PRKRIP1: variants seen among roughly 807,000 people sequenced by gnomAD.
PRKRIP1 encodes the protein PRKR-interacting protein 1.
A neutral mutation model predicts 29.3 loss-of-function variants in PRKRIP1; 29 were observed. The ratio of observed to expected loss-of-function variants is 0.99; its 90% CI spans 0.74 to 1.35. The LOEUF (loss-of-function observed/expected upper bound fraction) is 1.35. Among genes scored for constraint, PRKRIP1 ranks in the 40% most tolerant of loss-of-function variants. The pLI, the probability that PRKRIP1 is intolerant of heterozygous loss-of-function variation, is 0.00. For synonymous variants in PRKRIP1, 90 were observed against 85.1 expected (o/e 1.06, Z -0.32); for missense variants, 247 against 236.8 (o/e 1.04, Z -0.28).
rs1012041522 is a variant in PRKRIP1, at chr7:102,397,603, A to G, written c.127-17A>G. 1.2e-6 allele frequency: 2 copies of G among 1,605,232 alleles called. No homozygotes were observed. Among genetic ancestry groups the G allele is most frequent in the African/African-American group, 2.7e-5 (2 of 74,722 alleles). On this transcript the variant is annotated splice_polypyrimidine_tract_variant and intron_variant, in intron 1 of 5. Transcript: ENST00000397912. The stretch of plus-strand genomic sequence containing the variant: ...AACAGGTTTATACTTAAATGCTTTC[A>G]TGTTTAAATGTTGCAGGACAAAGCA...
chr7:102,399,058 G>A (rs111892826), intron 2 of PRKRIP1, among the ~76,000 whole-genome samples: 76 of 152,256 alleles, frequency 5.0e-4, no homozygotes, highest in African/African-American at 1.8e-3. Context: ...GGAGGTTGAG[G>A]CTCCAATGAG....
intron 5 of PRKRIP1, among the ~76,000 whole-genome samples, chr7:102,422,622 G>A (rs1554573883): frequency 6.6e-6 from 1 of 152,080 alleles, no homozygotes; most frequent in East Asian, 1.9e-4. Flanking sequence ...GATTACAGGC[G>A]TGAGCCACCA....
At chr7:102,422,094 G>A (rs1202737235) in intron 5 of PRKRIP1, among the ~76,000 whole-genome samples, 12 of 151,382 alleles carry the variant, frequency 7.9e-5, no homozygotes, top group East Asian at 7.7e-4. Flanking sequence ...AGAGATAGAC[G>A]CCTTTGCTTT....
rs1486802256 is a variant in PRKRIP1, at chr7:102,397,546, T to TA, written c.127-67dup. The TA allele has an allele frequency of 2.8e-5, 35 of 1,240,896 alleles. 2 individuals are homozygous for TA. In the Middle Eastern group the frequency reaches 1.9e-3, roughly 67 times the overall value. The allele number at this position is 1,240,896 out of a possible 1,614,324, so 76.9% of individuals were successfully genotyped here. A position where few individuals can be genotyped will look rare whatever the true frequency, so the allele number is the denominator to read the frequency against. Reference sequence around the variant, plus strand: ...GAGGAACAGAGCAAGAACCTGTCTCTAAAAAAAGAGAGGGAGATATATAAT... The same window carrying TA: ...GAGGAACAGAGCAAGAACCTGTCTCTAAAAAAAAGAGAGGGAGATATATAAT... On this transcript the variant is annotated intron_variant, in intron 1 of 5. Transcript: ENST00000397912.
At chr7:102,418,113 G>A (rs1335237135) in intron 5 of PRKRIP1, among the ~76,000 whole-genome samples, 4 of 149,704 alleles carry the variant, frequency 2.7e-5, no homozygotes, top group African/African-American at 7.4e-5. Flanking sequence ...GCAATGGTGC[G>A]ATCTCGGCTC....
intron 5 of PRKRIP1, 75 bp from the exon 6 acceptor site, chr7:102,424,939 A>C (rs1260161026): frequency 6.8e-7 from 1 of 1,470,666 alleles, no homozygotes; most frequent in Non-Finnish European, 9.2e-7. Context: ...ACTTCCCATC[A>C]GCTCTCCTCT....
At chr7:102,399,729 G>T in intron 3 of PRKRIP1, 81 bp downstream of exon 3, 2 of 1,147,046 alleles carry the variant, frequency 1.7e-6, no homozygotes, top group Non-Finnish European at 2.6e-6. Flanking sequence ...CATTTGAAGA[G>T]GCTGGGCGTG....
chr7:102,419,338 C>G (rs1796632422), intron 5 of PRKRIP1, among the ~76,000 whole-genome samples: 2 of 152,044 alleles, frequency 1.3e-5, no homozygotes. Context: ...CACTTGAACC[C>G]TGGAGGTGGA....
chr7:102,412,412 A>C (rs1356856889), intron 5 of PRKRIP1, among the ~76,000 whole-genome samples: 1 of 152,044 alleles, frequency 6.6e-6, no homozygotes, highest in African/African-American at 2.4e-5. Flanking sequence ...AAAATAAGCA[A>C]GGTGTGGTGG....
At chr7:102,410,182 G>A (rs1554572364) in intron 5 of PRKRIP1, among the ~76,000 whole-genome samples, 1 of 152,148 alleles carries the variant, frequency 6.6e-6, no homozygotes, top group Non-Finnish European at 1.5e-5. Flanking sequence ...AGCCTCCAGG[G>A]CAGCAGAGGC....
At chr7:102,422,897 TG>T in intron 5 of PRKRIP1, 1 of 286,654 alleles carries the variant, frequency 3.5e-6, no homozygotes, top group Admixed American at 4.7e-5. Flanking sequence ...ATTGTGTAGA[TG>T]CAGATATTCC....
rs1315246793 is a variant in PRKRIP1, at chr7:102,425,984, G to C, written c.*873G>C. 6.5e-6 allele frequency: 1 copy of C among 153,098 alleles called. No individual in the cohort carries two copies. The highest frequency in any genetic ancestry group is 2.4e-5 in the African/African-American group (1 of 41,486). The allele number at this position is 153,098 out of a possible 1,614,324, so 9.5% of individuals were successfully genotyped here. On this transcript the variant is annotated 3_prime_UTR_variant, in exon 6 of 6. Coordinates refer to ENST00000397912, the MANE Select transcript of PRKRIP1 (RefSeq NM_024653.4). ...TCCTCCTTGCATGACTGCAACTGTC[G>C]GGGCTTTCCGCCGGCTCACAGCAGT...
At position 102,396,555 on chromosome 7, in the gene PRKRIP1, C is replaced by A; in HGVS notation, c.126+18C>A. 1 of 1,601,174 alleles carries A rather than the reference C, an allele frequency of 6.2e-7. No individual in the cohort carries two copies. Among genetic ancestry groups the A allele is most frequent in the Non-Finnish European group, 8.5e-7 (1 of 1,175,488 alleles). On this transcript the variant is annotated intron_variant, in intron 1 of 5. Transcript: ENST00000397912. ...AGAACCCGGTGAGACGAGGCCCAGG[C>A]TCCACGGCCCGTCCGAGGCCCACCC...
intron 5 of PRKRIP1, among the ~76,000 whole-genome samples, chr7:102,422,611 C>A (rs975832095): frequency 2.7e-5 from 4 of 150,156 alleles, no homozygotes; most frequent in Non-Finnish European, 5.9e-5. Flanking sequence ...GAAAGTGCTA[C>A]GATTACAGGC....
chr7:102,399,639 G>T lies in PRKRIP1; in HGVS notation c.297G>T (p.Met99Ile), dbSNP rs1796011853. Reference protein sequence around the residue: ...EYQRQDYMDAMAEKQKLDAEF... With the variant: ...EYQRQDYMDAIAEKQKLDAEF... The stretch of plus-strand genomic sequence containing the variant: ...AGCGACAGGACTACATGGATGCCAT[G>T]GCTGAGAAGGTCAGTGAGCCAGAAG... Residue 99 changes from methionine (M) to isoleucine (I), a missense_variant, in exon 3 of 6, where the codon ATG becomes ATT. Met to Ile is a conservative substitution (Grantham distance 10). Coordinates refer to ENST00000397912, the MANE Select transcript of PRKRIP1 (RefSeq NM_024653.4). 2 of 1,612,922 alleles carry T rather than the reference G, an allele frequency of 1.2e-6. No individual in the cohort carries two copies. Among genetic ancestry groups the T allele is most frequent in the Admixed American group, 1.7e-5 (1 of 59,994 alleles).
chr7:102,410,529 G>T (rs1194479020), intron 5 of PRKRIP1, among the ~76,000 whole-genome samples: 1 of 152,156 alleles, frequency 6.6e-6, no homozygotes, highest in Non-Finnish European at 1.5e-5. Context: ...AACCCAGTCA[G>T]CCTCCTCCCA....
chr7:102,402,261 G>C (rs774337226), intron 3 of PRKRIP1, among the ~76,000 whole-genome samples: 4 of 151,970 alleles, frequency 2.6e-5, no homozygotes, highest in Non-Finnish European at 5.9e-5. Context: ...AACGTGGCAA[G>C]ACCCCATCTC....
intron 5 of PRKRIP1, among the ~76,000 whole-genome samples, chr7:102,416,682 TG>T (rs1554573156): frequency 1.7e-4 from 2 of 11,868 alleles, no homozygotes; most frequent in Non-Finnish European, 2.1e-4. Context: ...TTTTGTGGGG[TG>T]TTTTTTTTTT....
At chr7:102,416,527 A>T (rs1796552778) in intron 5 of PRKRIP1, among the ~76,000 whole-genome samples, 1 of 151,974 alleles carries the variant, frequency 6.6e-6, no homozygotes, top group South Asian at 2.1e-4. Context: ...TGGGTCCAGT[A>T]CTCTATAAAA....
Sources: allele counts gnomAD v4.1 joint callset (sites outside exome capture counted in the v4.1 genomes callset), GRCh38; gene constraint gnomAD v4.1.1; transcripts MANE v1.5; gene names NCBI Gene and HGNC (gene_info 2026-07-23, HGNC 2026-07-21).